The following TTC34 variants were observed in gnomAD, a reference collection of about 807,000 sequenced individuals.
TTC34 encodes tetratricopeptide repeat protein 34.
In TTC34, 44 loss-of-function variants were observed where a neutral mutation model predicts 40.7. That is an observed-to-expected ratio of 1.08 (90% CI 0.85 to 1.39). The LOEUF is 1.39. Among genes scored for constraint, TTC34 ranks in the 40% most tolerant of loss-of-function variants. TTC34 has a pLI of 0.00. For missense variants in TTC34, 884 were observed against 838.0 expected, an observed-to-expected ratio of 1.05 and a Z score of -0.68; for synonymous variants, 422 against 398.6, an observed-to-expected ratio of 1.06 and a Z score of -0.70.
intron 2 of TTC34, among the ~76,000 whole-genome samples, chr1:2,793,958 CCTT>C (rs1002280786): frequency 1.3e-5 from 2 of 151,244 alleles, no homozygotes; most frequent in African/African-American, 2.4e-5. Context: ...TCCTCGCCCT[CCTT>C]CTTCTTCTGT....
At chr1:2,692,475 C>A (rs369457380) in intron 6 of TTC34, among the ~76,000 whole-genome samples, 1 of 139,696 alleles carries the variant, frequency 7.2e-6, no homozygotes, top group Non-Finnish European at 1.5e-5. Context: ...CCCAGGTGAG[C>A]ATCTGACAGC....
intron 6 of TTC34, among the ~76,000 whole-genome samples, chr1:2,760,249 C>G (rs1376676185): frequency 2.9e-5 from 2 of 69,644 alleles, no homozygotes; most frequent in Non-Finnish European, 5.2e-5. Context: ...CAACCCCAGG[C>G]GAGCATCTGA....
intron 5 of TTC34, 81 bp from the exon 6 acceptor site, chr1:2,783,856 G>A: frequency 7.7e-7 from 1 of 1,293,734 alleles, no homozygotes; most frequent in African/African-American, 1.5e-5. Context: ...CCCGGGGAGG[G>A]CAGAGGGTGC....
At chr1:2,652,419 C>T (rs1639173868) in intron 6 of TTC34, among the ~76,000 whole-genome samples, 1 of 152,322 alleles carries the variant, frequency 6.6e-6, no homozygotes, top group African/African-American at 2.4e-5. Context: ...CAGTGAGCAT[C>T]TGACAGCCTG....
chr1:2,750,551 G>C (rs1317161388), intron 6 of TTC34, among the ~76,000 whole-genome samples: 559 of 5,578 alleles, frequency 0.1, 54 homozygotes, highest in Middle Eastern at 0.25. Context: ...GACAGCCTGG[G>C]GCAGCACCCA....
At chr1:2,641,504 C>T in exon 9 of TTC34, 1 of 1,535,608 alleles carries the variant, frequency 6.5e-7, no homozygotes, top group Non-Finnish European at 8.7e-7. Flanking sequence ...CTCCTCCAGG[C>T]AGCACTGCCC....
intron 6 of TTC34, among the ~76,000 whole-genome samples, chr1:2,684,797 C>A (rs1342707049): frequency 2.5e-5 from 3 of 119,118 alleles, no homozygotes; most frequent in African/African-American, 3.8e-5. Context: ...GCACCCACAC[C>A]CCCAGGTGAG....
rs1170874858 is a variant in TTC34 at position 2,645,040 on chromosome 1, C to G, written c.2497+253G>C. Among the ~76,000 whole-genome samples, 1 of 152,118 alleles carries G rather than the reference C, an allele frequency of 6.6e-6. No homozygotes were observed. The highest frequency in any genetic ancestry group is 1.5e-5 in the Non-Finnish European group (1 of 68,032). On this transcript the variant is annotated intron_variant, in intron 7 of 8. Transcript: ENST00000401095. The surrounding 1 kb of genome is among the most constrained non-coding windows in gnomAD (Gnocchi z 4.7). ...CTGAGGGTCCAAGACCTTTCAAAGACCAAGATCACCCCTCGGTTTCTCCTC... is the reference window on the plus strand; with the variant it reads ...CTGAGGGTCCAAGACCTTTCAAAGAGCAAGATCACCCCTCGGTTTCTCCTC...
rs1358464374 is a variant in TTC34, at chr1:2,692,273, G to T, written c.2227-46710C>A. Among the ~76,000 whole-genome samples the T allele has an allele frequency of 2.6e-5, 2 of 76,006 alleles. 1 individual carries two copies. Among genetic ancestry groups the T allele is most frequent in the African/African-American group, 8.6e-5 (2 of 23,384 alleles). 49.9% of individuals were successfully genotyped at this position (76,006 alleles called of 152,430 possible). On this transcript the variant is annotated intron_variant, in intron 6 of 8. Transcript: ENST00000401095. ...TGGAGCAGCACCCACACCCTCAGGT[G>T]AGCATCTGACAGCCTGGAGCAGCAG... is the stretch of plus-strand genomic sequence containing the variant.
chr1:2,774,707 C>A (rs1642906471), intron 6 of TTC34: 1 of 56,908 alleles, frequency 1.8e-5, no homozygotes, highest in Non-Finnish European at 3.6e-5. Context: ...CCCACACCCC[C>A]AGGTGAGCAT....
chr1:2,788,577 C>G (rs528826345), intron 3 of TTC34, among the ~76,000 whole-genome samples: 5 of 152,304 alleles, frequency 3.3e-5, no homozygotes, highest in Admixed American at 6.5e-5. Flanking sequence ...GTCAAAGCAG[C>G]TAGGGATTCA....
At chr1:2,687,677 G>C (rs1640427445) in intron 6 of TTC34, among the ~76,000 whole-genome samples, 1 of 151,722 alleles carries the variant, frequency 6.6e-6, no homozygotes, top group Non-Finnish European at 1.5e-5. Flanking sequence ...GGCTGGAGCA[G>C]CACGCACACC....
intron 6 of TTC34, among the ~76,000 whole-genome samples, chr1:2,652,703 A>T (rs1639191030): frequency 6.7e-6 from 1 of 149,610 alleles, no homozygotes; most frequent in Non-Finnish European, 1.5e-5. Flanking sequence ...TGAGCATCTG[A>T]CAGCCTGGAG....
intron 6 of TTC34, among the ~76,000 whole-genome samples, chr1:2,684,554 CA>C (rs1640231586): frequency 7.1e-6 from 1 of 140,078 alleles, no homozygotes; most frequent in African/African-American, 2.9e-5. Context: ...ACAGCTCCCA[CA>C]ACCCCAGGTG....
intron 6 of TTC34, among the ~76,000 whole-genome samples, chr1:2,754,691 A>T (rs1264560523): frequency 9.7e-6 from 1 of 103,266 alleles, no homozygotes; most frequent in Non-Finnish European, 1.8e-5. Context: ...AAGGAGCAGC[A>T]CCCACACCTC....
exon 3 of TTC34, chr1:2,789,615 C>T: frequency 2.2e-6 from 3 of 1,382,074 alleles, no homozygotes; most frequent in Non-Finnish European, 2.8e-6. Flanking sequence ...TCCCGCAGCA[C>T]CACCAGCAGC....
rs542690811 is a variant in TTC34 at position 2,642,975 on chromosome 1, C to T, written c.2713-1080G>A. Reference sequence around the variant, plus strand: ...CCTGCGGTGCGGCCCGCGGGACCGCCCCTCTCCGGGCGGAGGCACCTGACC... The same window carrying T: ...CCTGCGGTGCGGCCCGCGGGACCGCTCCTCTCCGGGCGGAGGCACCTGACC... On this transcript the variant is annotated intron_variant, in intron 8 of 8. Coordinates refer to ENST00000401095, the Ensembl canonical transcript of TTC34. Among the ~76,000 whole-genome samples, 643 of 152,368 alleles carry T rather than the reference C, an allele frequency of 4.2e-3. 2 individuals carry two copies. Among genetic ancestry groups the T allele is most frequent in the African/African-American group, 0.014 (566 of 41,598 alleles).
chr1:2,749,520 AGATTCCCAGGCAAG>A (rs1641248876), intron 6 of TTC34, among the ~76,000 whole-genome samples: 1 of 67,486 alleles, frequency 1.5e-5, no homozygotes, highest in Non-Finnish European at 2.5e-5. Flanking sequence ...AGCAGCACCC[AGATTCCCAGGCAAG>A]CATCTGAACG....
chr1:2,695,819 T>G (rs1161334805), intron 6 of TTC34, among the ~76,000 whole-genome samples: 4 of 151,892 alleles, frequency 2.6e-5, no homozygotes, highest in African/African-American at 7.3e-5. Flanking sequence ...TCTGACAGCC[T>G]GGAACAGCAT....
Sources: allele counts gnomAD v4.1 joint callset (sites outside exome capture counted in the v4.1 genomes callset), GRCh38; gene constraint gnomAD v4.1.1; non-coding constraint Gnocchi (gnomAD v3.1); transcripts MANE v1.5; gene names NCBI Gene and HGNC (gene_info 2026-07-23, HGNC 2026-07-21).